MGLL: variants seen among roughly 807,000 people sequenced by gnomAD.
MGLL encodes lysophospholipase homolog.
MGLL carries 7 observed loss-of-function variants against 29.1 expected under a neutral mutation model. The ratio of observed to expected loss-of-function variants is 0.24; its 90% CI spans 0.14 to 0.45. The LOEUF (loss-of-function observed/expected upper bound fraction) is 0.45. MGLL is among the 20% of genes least tolerant of loss of function. The pLI is 0.99. For missense variants in MGLL, 356 were observed against 413.6 expected (o/e 0.86, Z 1.21); for synonymous variants, 148 against 168.3 (o/e 0.88, Z 0.93).
At position 127,722,559 on chromosome 3, in the gene MGLL, G is replaced by A. The variant is rs546610604; in HGVS notation, c.270C>T (p.His90=). Residue 90 remains histidine (H), a synonymous_variant, in exon 4 of 8, where the codon CAC becomes CAT. Coordinates refer to ENST00000265052, the MANE Select transcript of MGLL (RefSeq NM_007283.7). ...LLVFAHDHVG[H]GQSEGERMVV... Reference sequence around the variant, plus strand: ...CCATCCTCTCCCCTTCGCTCTGTCCGTGGCCAACTGGAAAGGAACGGGAGA... The same window carrying A: ...CCATCCTCTCCCCTTCGCTCTGTCCATGGCCAACTGGAAAGGAACGGGAGA... 520 of 1,614,218 alleles carry A rather than the reference G, an allele frequency of 3.2e-4. 6 individuals are homozygous for A. In the South Asian group the frequency reaches 5.0e-3, roughly 16 times the overall value.
At chr3:127,699,816 G>GTGA (rs2075443793) in intron 6 of MGLL, among the ~76,000 whole-genome samples, 1 of 152,222 alleles carries the variant, frequency 6.6e-6, no homozygotes, top group Non-Finnish European at 1.5e-5. Context: ...AGATGGTGAA[G>GTGA]TGATCTGGTG....
chr3:127,731,333 T>TTTATTATTATTA (rs140919604), intron 3 of MGLL, among the ~76,000 whole-genome samples: 29 of 145,478 alleles, frequency 2.0e-4, no homozygotes, highest in African/African-American at 6.8e-4. Context: ...CTTGGTGGCT[T>TTTATTATTATTA]TTATTATTAT....
chr3:127,726,475 T>C (rs2076049521), intron 3 of MGLL, among the ~76,000 whole-genome samples: 1 of 152,204 alleles, frequency 6.6e-6, no homozygotes, highest in Non-Finnish European at 1.5e-5. Context: ...AGTCTCACTC[T>C]GTTGCCCAAG....
intron 3 of MGLL, among the ~76,000 whole-genome samples, chr3:127,759,041 GCGT>G: frequency 6.6e-6 from 1 of 151,164 alleles, no homozygotes; most frequent in Admixed American, 6.6e-5. Context: ...TCCTGCCTCA[GCGT>G]CCTGAGTAGC....
chr3:127,756,325 G>C (rs2076663369), intron 3 of MGLL, among the ~76,000 whole-genome samples: 1 of 152,144 alleles, frequency 6.6e-6, no homozygotes, highest in African/African-American at 2.4e-5. Context: ...AGATAGTAAA[G>C]GTCTTACAGG....
At chr3:127,712,773 G>GT (rs2075742965) in intron 5 of MGLL, 3 of 152,334 alleles carry the variant, frequency 2.0e-5, no homozygotes, top group Admixed American at 1.3e-4. Flanking sequence ...GAATGTTCAA[G>GT]AGTCCAGCTA....
At chr3:127,822,625 G>A, upstream of MGLL, 1 of 432,094 alleles carries the variant, frequency 2.3e-6, no homozygotes, top group African/African-American at 2.1e-5. Context: ...AGAAGGGAGG[G>A]GCCCGGGAAA....
chr3:127,729,480 CAATTCAGTGA>C (rs2076108421), intron 3 of MGLL, among the ~76,000 whole-genome samples: 1 of 151,992 alleles, frequency 6.6e-6, no homozygotes, highest in Non-Finnish European at 1.5e-5. Context: ...ACCTTTTTTT[CAATTCAGTGA>C]AATTCACCTC....
At chr3:127,766,195 AC>A (rs1372644912) in intron 3 of MGLL, among the ~76,000 whole-genome samples, 3 of 151,368 alleles carry the variant, frequency 2.0e-5, no homozygotes, top group Admixed American at 1.3e-4. Flanking sequence ...TTCTGCCAGA[AC>A]CCCGTAATAG....
rs140552888 is a variant in MGLL, at chr3:127,775,190, A to G, written c.262+6599T>C. On this transcript the variant is annotated intron_variant, in intron 3 of 7. Coordinates refer to ENST00000265052, the MANE Select transcript of MGLL (RefSeq NM_007283.7). ...CACAGTCCACTCTCCCACACTCTAC[A>G]AGTTGCAGCAAGTTCACTGTCACCC... is the stretch of plus-strand genomic sequence containing the variant. Among the ~76,000 whole-genome samples, 1,022 of 152,188 alleles carry G rather than the reference A, an allele frequency of 6.7e-3. 15 individuals are homozygous for G. The highest frequency in any genetic ancestry group is 0.027 in the Middle Eastern group (8 of 294).
rs1443668396 is a variant in MGLL, at chr3:127,761,681, C to T, written c.262+20108G>A. ...CACGGAGGCACAGAGAGGGCTGGCG[C>T]ACAGCCGGCCGTGGGCAGAGCTGGA... On this transcript the variant is annotated intron_variant, in intron 3 of 7. Coordinates refer to ENST00000265052, the MANE Select transcript of MGLL (RefSeq NM_007283.7). This position sits in a 1 kb window ranked among gnomAD's most constrained non-coding sequence, Gnocchi z 4.6. 6.6e-6 allele frequency among the ~76,000 whole-genome samples: 1 copy of T among 152,222 alleles called. No homozygotes were observed. The highest frequency in any genetic ancestry group is 1.5e-5 in the Non-Finnish European group (1 of 68,042).
At chr3:127,739,050 G>A (rs994272410) in intron 3 of MGLL, among the ~76,000 whole-genome samples, 4 of 152,220 alleles carry the variant, frequency 2.6e-5, no homozygotes, top group Non-Finnish European at 5.9e-5. Context: ...AAATGCCTGT[G>A]TCCATTTGCC....
At chr3:127,797,994 T>C (rs1340833788) in intron 2 of MGLL, among the ~76,000 whole-genome samples, 2 of 152,234 alleles carry the variant, frequency 1.3e-5, no homozygotes, top group African/African-American at 2.4e-5. Flanking sequence ...CCCAGGTTGA[T>C]GTCATCCAGA....
chr3:127,694,420 T>C (rs1162585648), intron 7 of MGLL, among the ~76,000 whole-genome samples: 1 of 150,810 alleles, frequency 6.6e-6, no homozygotes, highest in Non-Finnish European at 1.5e-5. Context: ...TATATGTGTG[T>C]GTGTATATAT....
At chr3:127,754,733 G>A (rs1310509558) in intron 3 of MGLL, among the ~76,000 whole-genome samples, 4 of 152,282 alleles carry the variant, frequency 2.6e-5, no homozygotes, top group Admixed American at 6.5e-5. Context: ...TAGGCTTCAC[G>A]CTGGATCTCC....
At chr3:127,821,973 A>T in intron 1 of MGLL, 135 bp from the exon 2 acceptor site, 1 of 946,426 alleles carries the variant, frequency 1.1e-6, no homozygotes, top group Non-Finnish European at 1.6e-6. Flanking sequence ...TCAAAGGTTT[A>T]AAACATACAT....
intron 3 of MGLL, among the ~76,000 whole-genome samples, chr3:127,753,636 T>C (rs1050279166): frequency 2.0e-5 from 3 of 152,360 alleles, no homozygotes; most frequent in South Asian, 2.1e-4. Flanking sequence ...TGGGTAGCTG[T>C]GCACAGACAG....
chr3:127,740,558 G>C (rs1042105442), intron 3 of MGLL, among the ~76,000 whole-genome samples: 9 of 152,234 alleles, frequency 5.9e-5, no homozygotes, highest in Admixed American at 1.3e-4. Context: ...GAAGGCAGGG[G>C]CTCTGCGGGG....
chr3:127,821,934 T>G, intron 1 of MGLL, 96 bp from the exon 2 acceptor site: 1 of 1,379,116 alleles, frequency 7.3e-7, no homozygotes, highest in Admixed American at 2.3e-5. Flanking sequence ...TAACATTTTT[T>G]TAAAAGCAGT....
Sources: gnomAD v4.1 joint callset for allele counts (sites outside exome capture counted in the v4.1 genomes callset) on GRCh38, gnomAD v4.1.1 for gene constraint, Gnocchi (gnomAD v3.1) non-coding constraint, MANE v1.5 for transcripts, NCBI Gene and HGNC (gene_info 2026-07-23, HGNC 2026-07-21) for gene names.